Variants in IL6R observed in about 807,000 individuals in gnomAD.
The protein encoded by IL6R is interleukin 6 receptor.
In IL6R, 38 loss-of-function variants were observed where a neutral mutation model predicts 48.3. The observed-to-expected ratio is 0.79, with a 90% CI of 0.61 to 1.03. IL6R has a LOEUF of 1.03. Ranked by LOEUF, IL6R falls within the 50% of genes least tolerant of loss-of-function variation. IL6R has a pLI of 0.00. For synonymous variants in IL6R, 264 were observed against 256.2 expected (o/e 1.03, Z -0.29); for missense variants, 534 against 618.3 (o/e 0.86, Z 1.45).
intron 6 of IL6R, among the ~76,000 whole-genome samples, chr1:154,447,748 C>T (rs1185837482): frequency 7.0e-6 from 1 of 142,688 alleles, no homozygotes; most frequent in Non-Finnish European, 1.6e-5. Flanking sequence ...GAGTTTTGCT[C>T]TTATTGCCCA....
At chr1:154,448,506 T>C (rs1690400021) in intron 7 of IL6R, among the ~76,000 whole-genome samples, 1 of 152,218 alleles carries the variant, frequency 6.6e-6, no homozygotes, top group Non-Finnish European at 1.5e-5. Context: ...GGACTCTTGG[T>C]GACATAATTT....
At chr1:154,465,041 C>T (rs1463709630) in intron 9 of IL6R, 93 bp from the exon 10 acceptor site, 1 of 1,518,504 alleles carries the variant, frequency 6.6e-7, no homozygotes, top group African/African-American at 1.4e-5. Context: ...CGCCAGGCCA[C>T]CAGGGCAGCC....
At chr1:154,429,089 G>A in intron 1 of IL6R, 107 bp from the exon 2 acceptor site, 1 of 1,262,888 alleles carries the variant, frequency 7.9e-7, no homozygotes, top group East Asian at 2.3e-5. Flanking sequence ...CGGTAGCCTG[G>A]GCCACTTCAT....
intron 1 of IL6R, chr1:154,418,576 A>G (rs944148291): frequency 3.2e-5 from 7 of 216,024 alleles, no homozygotes; most frequent in African/African-American, 1.6e-4. Context: ...GCTGAGTCAG[A>G]GAAGGTTGCT....
At chr1:154,423,132 G>A (rs765612389) in intron 1 of IL6R, among the ~76,000 whole-genome samples, 1 of 151,560 alleles carries the variant, frequency 6.6e-6, no homozygotes, top group Non-Finnish European at 1.5e-5. Flanking sequence ...CTCGGAAGCT[G>A]CTTGTATTGA....
intron 9 of IL6R, among the ~76,000 whole-genome samples, chr1:154,459,205 G>T (rs529829351): frequency 6.6e-6 from 1 of 152,188 alleles, no homozygotes; most frequent in Non-Finnish European, 1.5e-5. Flanking sequence ...ATTAGGTTGG[G>T]AACAGACCTG....
intron 6 of IL6R, among the ~76,000 whole-genome samples, chr1:154,444,245 G>A (rs1041968342): frequency 8.2e-5 from 11 of 134,644 alleles, no homozygotes; most frequent in African/African-American, 2.8e-4. Flanking sequence ...TTTCGCTCTT[G>A]TTGCCTAGGC....
chr1:154,457,004 G>T (rs573285090), intron 9 of IL6R, among the ~76,000 whole-genome samples: 1 of 152,160 alleles, frequency 6.6e-6, no homozygotes, highest in Non-Finnish European at 1.5e-5. Context: ...TCCCTTCCGA[G>T]AACCACATAC....
At position 154,427,907 on chromosome 1, in the gene IL6R, G is replaced by A. The variant is rs6673276; in HGVS notation, c.86-1289G>A. Among the ~76,000 whole-genome samples, 186 of 152,352 alleles carry A rather than the reference G, an allele frequency of 1.2e-3. 1 individual carries two copies. Among genetic ancestry groups the A allele is most frequent in the African/African-American group, 4.3e-3 (179 of 41,560 alleles). On this transcript the variant is annotated intron_variant, in intron 1 of 9. Coordinates refer to ENST00000368485, the MANE Select transcript of IL6R (RefSeq NM_000565.4). ...GCAGAGAGCCTTGTGCTGCTTCTGA[G>A]TCCCAGGAGCATGGGCGAGGAGGTG...
At position 154,465,530 on chromosome 1, in the gene IL6R, G is replaced by A; in HGVS notation, c.*150G>A. 1.2e-6 allele frequency: 1 copy of A among 835,444 alleles called. No homozygotes were observed. Among genetic ancestry groups the A allele is most frequent in the Non-Finnish European group, 1.9e-6 (1 of 537,448 alleles). 51.8% of individuals were successfully genotyped at this position (835,444 alleles called of 1,614,324 possible). A position where few individuals can be genotyped will look rare whatever the true frequency, so the allele number is the denominator to read the frequency against. ...GAGCCTTGCGGAAGGTTCTACGCCA[G>A]GGGAAAATCAGCCTGCTCCAGCTGT... is the stretch of plus-strand genomic sequence containing the variant. On this transcript the variant is annotated 3_prime_UTR_variant, in exon 10 of 10. Transcript: ENST00000368485.
rs144654788 is a variant in IL6R at position 154,443,577 on chromosome 1, A to T, written c.950-4548A>T. ...GGTCTAGTTGCTGCCCTTGCCCTTG[A>T]CTAGCACGACCCTGGGGAAGTACCT... On this transcript the variant is annotated intron_variant, in intron 6 of 9. Coordinates refer to ENST00000368485, the MANE Select transcript of IL6R (RefSeq NM_000565.4). Among the ~76,000 whole-genome samples, 24 of 152,246 alleles carry T rather than the reference A, an allele frequency of 1.6e-4. No individual in the cohort carries two copies. In the East Asian group the frequency reaches 4.4e-3, roughly 28 times the overall value.
intron 1 of IL6R, among the ~76,000 whole-genome samples, chr1:154,421,127 G>T (rs1245634954): frequency 6.6e-6 from 1 of 152,184 alleles, no homozygotes; most frequent in Non-Finnish European, 1.5e-5. Context: ...GCAGTCCTTG[G>T]GTGCTCTTCC....
intron 1 of IL6R, among the ~76,000 whole-genome samples, chr1:154,423,540 C>T (rs940090341): frequency 6.6e-6 from 1 of 151,774 alleles, no homozygotes; most frequent in African/African-American, 2.4e-5. Context: ...AGGGAAGGGG[C>T]GGTGCTGCCC....
intron 1 of IL6R, among the ~76,000 whole-genome samples, chr1:154,417,876 A>G (rs936174353): frequency 1.3e-5 from 2 of 151,848 alleles, no homozygotes; most frequent in African/African-American, 4.8e-5. Flanking sequence ...CTGGGATTAC[A>G]GGCACCCGCC....
Position 154,465,194 on chromosome 1 carries a change from GTAC to G in IL6R, c.1223_1225del (p.Tyr408del). 1.2e-6 allele frequency: 2 copies of G among 1,614,132 alleles called. No individual in the cohort carries two copies. The highest frequency in any genetic ancestry group is 1.7e-6 in the Non-Finnish European group (2 of 1,180,018). On this transcript the variant is annotated inframe_deletion, in exon 10 of 10. Transcript: ENST00000368485. ...AAGGCAAGACAAGCATGCATCCGCCGTACTCTTTGGGGCAGCTGGTCCCGGAGA... is the reference window on the plus strand; with the variant it reads ...AAGGCAAGACAAGCATGCATCCGCCGTCTTTGGGGCAGCTGGTCCCGGAGA...
intron 9 of IL6R, among the ~76,000 whole-genome samples, chr1:154,455,937 A>T (rs1439059520): frequency 1.3e-5 from 2 of 151,830 alleles, no homozygotes; most frequent in African/African-American, 4.8e-5. Flanking sequence ...CTTGACTGTA[A>T]TCCCAGCTAC....
intron 1 of IL6R, among the ~76,000 whole-genome samples, chr1:154,424,540 G>T (rs764020659): frequency 3.3e-5 from 5 of 152,146 alleles, no homozygotes; most frequent in African/African-American, 9.7e-5. Context: ...TTCCATCTTT[G>T]CTCCTGCAAG....
chr1:154,449,871 T>A (rs369691426), intron 7 of IL6R, 40 bp from the exon 8 acceptor site: 2 of 1,335,696 alleles, frequency 1.5e-6, no homozygotes, highest in Non-Finnish European at 2.2e-6. Context: ...GATGGTGCAA[T>A]CTGCAGAAAC....
intron 8 of IL6R, among the ~76,000 whole-genome samples, chr1:154,453,493 G>A (rs948167745): frequency 7.9e-5 from 12 of 152,242 alleles, no homozygotes; most frequent in Non-Finnish European, 1.8e-4. Context: ...TGCATTCCCA[G>A]CAGAAGGAGA....
Sources: gnomAD v4.1 joint callset for allele counts (sites outside exome capture counted in the v4.1 genomes callset) on GRCh38, gnomAD v4.1.1 for gene constraint, MANE v1.5 for transcripts, NCBI Gene and HGNC (gene_info 2026-07-23, HGNC 2026-07-21) for gene names.